The following PPP2R2B variants were observed in gnomAD, a reference collection of about 807,000 sequenced individuals.
PPP2R2B encodes serine/threonine-protein phosphatase 2A 55 kDa regulatory subunit B beta isoform.
Under a neutral mutation model 46.0 loss-of-function variants are expected in PPP2R2B, and 5 were observed. The observed-to-expected ratio is 0.11, with a 90% CI of 0.06 to 0.23. PPP2R2B has a LOEUF of 0.23. Ranked by LOEUF, PPP2R2B falls within the 10% of genes least tolerant of loss-of-function variation. The pLI is 1.00. For missense variants in PPP2R2B, 367 were observed against 575.0 expected (o/e 0.64, Z 3.70); for synonymous variants, 215 against 206.7 (o/e 1.04, Z -0.34).
At chr5:146,775,152 C>A (rs1215999360) in intron 2 of PPP2R2B, among the ~76,000 whole-genome samples, 1 of 152,140 alleles carries the variant, frequency 6.6e-6, no homozygotes, top group Non-Finnish European at 1.5e-5. Flanking sequence ...ATGAGACCAG[C>A]ATTACTTTGA....
chr5:146,905,614 A>G (rs1762970952), intron 1 of PPP2R2B, among the ~76,000 whole-genome samples: 1 of 152,200 alleles, frequency 6.6e-6, no homozygotes, highest in Admixed American at 6.5e-5. Flanking sequence ...ACTGCCCACC[A>G]ACTAGTGAAT....
chr5:146,806,291 T>C (rs1757172583), intron 2 of PPP2R2B, among the ~76,000 whole-genome samples: 1 of 152,212 alleles, frequency 6.6e-6, no homozygotes, highest in East Asian at 1.9e-4. Context: ...ATCTCAGGCC[T>C]ACCAAGGAAA....
intron 5 of PPP2R2B, among the ~76,000 whole-genome samples, chr5:146,689,447 T>C (rs1253942936): frequency 6.6e-6 from 1 of 152,190 alleles, no homozygotes; most frequent in Non-Finnish European, 1.5e-5. Flanking sequence ...TTGCTTACTA[T>C]TCAACACAGG....
chr5:146,824,895 G>C (rs1188116907), intron 2 of PPP2R2B, among the ~76,000 whole-genome samples: 1 of 151,938 alleles, frequency 6.6e-6, no homozygotes, highest in African/African-American at 2.4e-5. Context: ...TTTTTTGTGT[G>C]TGTTTTTAGT....
chr5:146,977,147 G>T (rs1044339007), intron 1 of PPP2R2B, among the ~76,000 whole-genome samples: 2 of 152,108 alleles, frequency 1.3e-5, no homozygotes, highest in South Asian at 4.2e-4. Flanking sequence ...CTTAAAAATG[G>T]TCATCATTTT....
At chr5:146,724,495 T>C (rs1751726748) in intron 2 of PPP2R2B, among the ~76,000 whole-genome samples, 1 of 152,216 alleles carries the variant, frequency 6.6e-6, no homozygotes, top group Non-Finnish European at 1.5e-5. Flanking sequence ...GAACACATGG[T>C]AGCTATTCTT....
At chr5:146,716,893 T>C (rs1011040443) in intron 2 of PPP2R2B, among the ~76,000 whole-genome samples, 2 of 152,234 alleles carry the variant, frequency 1.3e-5, no homozygotes. Context: ...GTATGTGTTA[T>C]CTGTTTAACT....
chr5:147,055,856 C>T lies in PPP2R2B; in HGVS notation c.-113G>A, dbSNP rs878931089. 6 of 1,476,786 alleles carry T rather than the reference C, an allele frequency of 4.1e-6. No individual in the cohort carries two copies. In the African/African-American group the frequency reaches 8.5e-5, roughly 21 times the overall value. The allele number at this position is 1,476,786 out of a possible 1,614,324, so 91.5% of individuals were successfully genotyped here. On this transcript the variant is annotated 5_prime_UTR_variant, in exon 1 of 9. Transcript: ENST00000336640. ...CCAATATGTTTATGTAGGTTCTTTC[C>T]CAGATTTGCAAAGCTGGGGTGCCCG... is the stretch of plus-strand genomic sequence containing the variant.
intron 1 of PPP2R2B, among the ~76,000 whole-genome samples, chr5:146,998,057 G>C (rs1294890749): frequency 2.6e-5 from 4 of 152,166 alleles, no homozygotes; most frequent in African/African-American, 9.7e-5. Flanking sequence ...GTGTGCAGAG[G>C]GCTCCAGGCA....
intron 7 of PPP2R2B, among the ~76,000 whole-genome samples, chr5:146,619,302 T>TAAA (rs34725004): frequency 0.017 from 1,891 of 112,820 alleles, 18 homozygotes; most frequent in Middle Eastern, 0.032. Flanking sequence ...CCGTCTCTAC[T>TAAA]AAAAAAAAAA....
rs1207671034 is a variant in PPP2R2B at position 147,005,515 on chromosome 5, C to T, written c.79+50150G>A. The stretch of plus-strand genomic sequence containing the variant: ...CTGGGGGAACCCCCACTAAATACCA[C>T]AAAGAAATCATGGAGTTATTGCACT... On this transcript the variant is annotated intron_variant, in intron 1 of 8. Transcript: ENST00000336640. Among the ~76,000 whole-genome samples the T allele has an allele frequency of 5.9e-5, 9 of 152,132 alleles. No individual in the cohort carries two copies. The East Asian group carries it at 1.7e-3, about 29-fold the overall frequency.
chr5:146,782,566 C>T (rs1424310353), intron 2 of PPP2R2B, among the ~76,000 whole-genome samples: 1 of 152,156 alleles, frequency 6.6e-6, no homozygotes, highest in Non-Finnish European at 1.5e-5. Flanking sequence ...TGTTTGCTCT[C>T]TCTTGATTTT....
chr5:146,980,840 A>G (rs554963093), intron 1 of PPP2R2B, among the ~76,000 whole-genome samples: 6 of 152,290 alleles, frequency 3.9e-5, no homozygotes, highest in Admixed American at 3.3e-4. Flanking sequence ...GTTACATGAC[A>G]CTAGTTAATT....
chr5:147,029,055 G>T (rs1755657042), intron 1 of PPP2R2B, among the ~76,000 whole-genome samples: 1 of 152,000 alleles, frequency 6.6e-6, no homozygotes, highest in Non-Finnish European at 1.5e-5. Context: ...AAGTCTGTTG[G>T]TAGTCACCTG....
intron 1 of PPP2R2B, among the ~76,000 whole-genome samples, chr5:146,968,470 A>G (rs901262237): frequency 6.6e-6 from 1 of 152,216 alleles, no homozygotes; most frequent in African/African-American, 2.4e-5. Context: ...TGTCGGGCTA[A>G]CATGAATGCT....
At chr5:146,906,858 C>T (rs1247108438) in intron 1 of PPP2R2B, among the ~76,000 whole-genome samples, 2 of 152,164 alleles carry the variant, frequency 1.3e-5, no homozygotes, top group Admixed American at 1.3e-4. Flanking sequence ...TTGAATTGTA[C>T]ATTTAAAACT....
intron 7 of PPP2R2B, among the ~76,000 whole-genome samples, chr5:146,603,977 G>GCA (rs1772027476): frequency 1.3e-5 from 2 of 152,026 alleles, no homozygotes; most frequent in Admixed American, 1.3e-4. Flanking sequence ...GTATGCACAG[G>GCA]CACACACACA....
intron 1 of PPP2R2B, among the ~76,000 whole-genome samples, chr5:147,033,141 TA>T (rs909075381): frequency 1.3e-5 from 2 of 152,188 alleles, no homozygotes; most frequent in African/African-American, 4.8e-5. Context: ...TCAGTGGACC[TA>T]AAAGCTGCTG....
At chr5:146,849,118 A>G (rs559830395) in intron 2 of PPP2R2B, among the ~76,000 whole-genome samples, 64 of 152,190 alleles carry the variant, frequency 4.2e-4, no homozygotes, top group African/African-American at 1.4e-3. Context: ...GTAGCATCAG[A>G]CATTTCTTCA....
Sources: allele counts gnomAD v4.1 joint callset (sites outside exome capture counted in the v4.1 genomes callset), GRCh38; gene constraint gnomAD v4.1.1; transcripts MANE v1.5; gene names NCBI Gene and HGNC (gene_info 2026-07-23, HGNC 2026-07-21).